Variants in DMXL1 observed in about 807,000 individuals in gnomAD.
The protein encoded by DMXL1 is dmX-like protein 1.
DMXL1 carries 99 observed loss-of-function variants against 319.2 expected under a neutral mutation model. The observed-to-expected ratio is 0.31, with a 90% CI of 0.26 to 0.37. DMXL1 has a LOEUF of 0.37. Ranked by LOEUF, DMXL1 falls within the 10% of genes least tolerant of loss-of-function variation. The pLI, the probability that DMXL1 is intolerant of heterozygous loss-of-function variation, is 1.00. For synonymous variants in DMXL1, 1,385 were observed against 1,235.2 expected (o/e 1.12, Z -2.54); for missense variants, 3,745 against 3,595.6 (o/e 1.04, Z -1.06).
rs891903939 is a variant in DMXL1 at position 119,121,209 on chromosome 5, T to G, written c.1102+70T>G. On this transcript the variant is annotated intron_variant, in intron 9 of 43. Coordinates refer to ENST00000539542, the MANE Select transcript of DMXL1 (RefSeq NM_001290321.3). The stretch of plus-strand genomic sequence containing the variant: ...TGATTTTATAACAACTAAGTTATAC[T>G]TTTAGTTTTCAAATAAGTAAAATAT... The G allele has an allele frequency of 3.1e-6, 4 of 1,305,990 alleles. No homozygotes were observed. In the African/African-American group the frequency reaches 6.0e-5, roughly 20 times the overall value. The allele number at this position is 1,305,990 out of a possible 1,614,324, so 80.9% of individuals were successfully genotyped here.
rs769703933 is a variant in DMXL1 at position 119,164,615 on chromosome 5, G to C, written c.4811G>C (p.Arg1604Thr). The C allele has an allele frequency of 1.5e-5, 24 of 1,613,934 alleles. No homozygotes were observed. Among genetic ancestry groups the C allele is most frequent in the Non-Finnish European group, 1.9e-5 (23 of 1,179,948 alleles). Reference sequence around the variant, plus strand: ...GATGATCCCACTTGGTCTGAACTAAGAGCTATGGGTGTGGGGTGGTGGGTC... The same window carrying C: ...GATGATCCCACTTGGTCTGAACTAACAGCTATGGGTGTGGGGTGGTGGGTC... ...QKDDPTWSEL[R>T]AMGVGWWVRN... is the part of the protein sequence containing the mutation. Residue 1604 changes from arginine to threonine, a missense_variant, in exon 20 of 44, where the codon AGA becomes ACA. Arg to Thr is a moderately conservative substitution (Grantham distance 71, BLOSUM62 -1). Coordinates refer to ENST00000539542, the MANE Select transcript of DMXL1 (RefSeq NM_001290321.3).
intron 28 of DMXL1, among the ~76,000 whole-genome samples, chr5:119,183,999 C>T (rs975619094): frequency 9.2e-5 from 14 of 151,834 alleles, no homozygotes; most frequent in Non-Finnish European, 1.5e-4. Context: ...GAAACTAACC[C>T]TATAAGAAAT....
intron 23 of DMXL1, 30 bp from the exon 24 acceptor site, chr5:119,170,160 T>G (rs1473508459): frequency 6.4e-7 from 1 of 1,562,508 alleles, no homozygotes; most frequent in Non-Finnish European, 8.6e-7. Flanking sequence ...TCATAACTTT[T>G]CTTGGCTCAT....
intron 32 of DMXL1, among the ~76,000 whole-genome samples, chr5:119,198,310 G>A (rs1780031326): frequency 6.6e-6 from 1 of 152,090 alleles, no homozygotes; most frequent in Non-Finnish European, 1.5e-5. Flanking sequence ...TTTAAGATAG[G>A]AGTTTTACTT....
chr5:119,208,659 G>A (rs182581216), intron 34 of DMXL1, among the ~76,000 whole-genome samples: 1 of 152,062 alleles, frequency 6.6e-6, no homozygotes, highest in East Asian at 1.9e-4. Flanking sequence ...ATTTTGGCCA[G>A]CATTTTTCCA....
rs1042541488 is a variant in DMXL1 at position 119,149,678 on chromosome 5, G to A, written c.3851G>A (p.Arg1284Gln). The change falls in exon 18 of 44, where the codon CGA becomes CAA. Residue 1284 changes from arginine to glutamine, a missense_variant. Transcript: ENST00000539542. ...GLHPPKKTLT[R>Q]SMTSLAQKIC... is the part of the protein sequence containing the mutation. ...CATCCTCCAAAGAAAACTCTGACTC[G>A]ATCCATGACCAGTCTTGCACAGAAA... is the stretch of plus-strand genomic sequence containing the variant. 1.9e-6 allele frequency: 3 copies of A among 1,613,932 alleles called. No individual in the cohort carries two copies. Among genetic ancestry groups the A allele is most frequent in the East Asian group, 4.5e-5 (2 of 44,884 alleles).
intron 3 of DMXL1, among the ~76,000 whole-genome samples, 170 bp from the exon 4 acceptor site, chr5:119,105,010 C>T (rs1420018694): frequency 2.0e-5 from 3 of 152,204 alleles, no homozygotes; most frequent in Non-Finnish European, 4.4e-5. Flanking sequence ...GATATTCTCT[C>T]ACATACCTTC....
At chr5:119,092,059 ATGTT>A (rs1166934031) in intron 1 of DMXL1, among the ~76,000 whole-genome samples, 2 of 152,064 alleles carry the variant, frequency 1.3e-5, no homozygotes, top group Non-Finnish European at 1.5e-5. Flanking sequence ...TGTAGAAACA[ATGTT>A]TGGGGAAATT....
intron 35 of DMXL1, among the ~76,000 whole-genome samples, chr5:119,217,924 C>T (rs914976340): frequency 2.0e-5 from 3 of 151,944 alleles, no homozygotes; most frequent in South Asian, 2.1e-4. Context: ...TCTTAGACAC[C>T]GTTGAGCAAT....
At chr5:119,131,194 C>G (rs546073238) in intron 10 of DMXL1, among the ~76,000 whole-genome samples, 1 of 147,458 alleles carries the variant, frequency 6.8e-6, no homozygotes, top group East Asian at 2.0e-4. Flanking sequence ...TCTTGACTTA[C>G]TTTTTAAATC....
At position 119,240,563 on chromosome 5, in the gene DMXL1, A is replaced by G. The variant is rs1788589072; in HGVS notation, c.8704+92A>G. ...AGTGGATTTGTTACTGATGACACAT[A>G]TATTTATTAACCCATGAGATTTCTT... is the stretch of plus-strand genomic sequence containing the variant. On this transcript the variant is annotated intron_variant, in intron 42 of 43. Transcript: ENST00000539542. 4 of 931,328 alleles carry G rather than the reference A, an allele frequency of 4.3e-6. No individual in the cohort carries two copies. In the South Asian group the frequency reaches 6.0e-5, roughly 14 times the overall value. The allele number at this position is 931,328 out of a possible 1,614,324, so 57.7% of individuals were successfully genotyped here.
chr5:119,092,772 AGT>A (rs1755072179), intron 1 of DMXL1, among the ~76,000 whole-genome samples: 1 of 152,222 alleles, frequency 6.6e-6, no homozygotes, highest in Non-Finnish European at 1.5e-5. Flanking sequence ...ATTTCATATA[AGT>A]GAAATAATAA....
intron 19 of DMXL1, among the ~76,000 whole-genome samples, chr5:119,155,170 A>G (rs976731010): frequency 3.3e-5 from 5 of 152,244 alleles, no homozygotes; most frequent in African/African-American, 4.8e-5. Flanking sequence ...TGCTAACACA[A>G]CATTCATTTT....
At chr5:119,195,682 A>G (rs1028773883) in intron 30 of DMXL1, among the ~76,000 whole-genome samples, 7 of 152,192 alleles carry the variant, frequency 4.6e-5, no homozygotes, top group Non-Finnish European at 8.8e-5. Context: ...AATGTACTTA[A>G]TGCCCCTGAA....
chr5:119,134,930 G>A (rs1231235991), intron 13 of DMXL1, among the ~76,000 whole-genome samples: 2 of 152,174 alleles, frequency 1.3e-5, no homozygotes, highest in African/African-American at 2.4e-5. Context: ...TGGTTTTGGC[G>A]ATTTTTCTTT....
At chr5:119,129,679 C>A (rs1010377951) in intron 10 of DMXL1, among the ~76,000 whole-genome samples, 2 of 152,192 alleles carry the variant, frequency 1.3e-5, no homozygotes, top group Non-Finnish European at 2.9e-5. Flanking sequence ...AAAGGACTAT[C>A]TGTAGACTAG....
chr5:119,123,066 C>G (rs952507808), intron 9 of DMXL1, among the ~76,000 whole-genome samples: 2 of 152,062 alleles, frequency 1.3e-5, no homozygotes, highest in African/African-American at 2.4e-5. Flanking sequence ...CCTGGGAGGC[C>G]GAGGCTGGTG....
chr5:119,175,982 A>G (rs1486047664), intron 26 of DMXL1, among the ~76,000 whole-genome samples: 1 of 151,962 alleles, frequency 6.6e-6, no homozygotes, highest in Non-Finnish European at 1.5e-5. Context: ...CAGATATTGC[A>G]ACTTCTGGGT....
chr5:119,081,420 C>A (rs1752166407), intron 1 of DMXL1, among the ~76,000 whole-genome samples: 1 of 152,142 alleles, frequency 6.6e-6, no homozygotes, highest in Admixed American at 6.5e-5. Context: ...TTATTGGTAG[C>A]TAAAATCTTT....
Sources: gnomAD v4.1 joint callset for allele counts (sites outside exome capture counted in the v4.1 genomes callset) on GRCh38, gnomAD v4.1.1 for gene constraint, MANE v1.5 for transcripts, NCBI Gene and HGNC (gene_info 2026-07-23, HGNC 2026-07-21) for gene names.